Variants in DLGAP1 observed in about 807,000 individuals in gnomAD.
DLGAP1 encodes the protein DLG associated protein 1, also known as disks large-associated protein 1.
Under a neutral mutation model 90.8 loss-of-function variants are expected in DLGAP1, and 11 were observed. That is an observed-to-expected ratio of 0.12 (90% CI 0.08 to 0.20). The LOEUF (loss-of-function observed/expected upper bound fraction) is 0.20, where lower values mean the gene tolerates loss of function less well. Among genes scored for constraint, DLGAP1 ranks in the 10% least tolerant of loss-of-function variants. DLGAP1 has a pLI of 1.00. For synonymous variants in DLGAP1, 558 were observed against 540.7 expected, an observed-to-expected ratio of 1.03 and a Z score of -0.44; for missense variants, 1,050 against 1,333.8, an observed-to-expected ratio of 0.79 and a Z score of 3.31.
chr18:3,746,284 C>A (rs2147753763), intron 5 of DLGAP1, among the ~76,000 whole-genome samples: 1 of 152,100 alleles, frequency 6.6e-6, no homozygotes, highest in East Asian at 1.9e-4. Context: ...TTTATAATCT[C>A]AATTTCTATA....
chr18:3,779,265 C>T (rs1159393666), intron 5 of DLGAP1, among the ~76,000 whole-genome samples: 1 of 152,104 alleles, frequency 6.6e-6, no homozygotes, highest in Non-Finnish European at 1.5e-5. Context: ...GTTTTAGAGA[C>T]AGGGTCTGCC....
chr18:4,149,950 C>T (rs2076646974), intron 2 of DLGAP1, among the ~76,000 whole-genome samples: 1 of 152,204 alleles, frequency 6.6e-6, no homozygotes, highest in Non-Finnish European at 1.5e-5. Context: ...ATTCATGCTC[C>T]TTGGGGAAAT....
At chr18:4,274,954 A>T (rs1181978640) in intron 1 of DLGAP1, among the ~76,000 whole-genome samples, 1 of 152,214 alleles carries the variant, frequency 6.6e-6, no homozygotes, top group Non-Finnish European at 1.5e-5. Flanking sequence ...CTACTAAATA[A>T]TATTTTTGAA....
intron 1 of DLGAP1, among the ~76,000 whole-genome samples, chr18:4,202,330 A>G (rs2077623440): frequency 2.0e-5 from 3 of 152,176 alleles, no homozygotes; most frequent in Non-Finnish European, 4.4e-5. Context: ...ACATAGTGGT[A>G]TAATGGACAC....
chr18:3,615,411 A>G (rs772327473), intron 7 of DLGAP1, among the ~76,000 whole-genome samples: 16 of 152,186 alleles, frequency 1.1e-4, no homozygotes, highest in Non-Finnish European at 2.9e-5. Context: ...GTTAACAAAT[A>G]GGCTTCAGGA....
rs996990644 is a variant in DLGAP1, at chr18:4,081,237, C to T, written c.-159+69943G>A. 4.0e-5 allele frequency among the ~76,000 whole-genome samples: 6 copies of T among 151,050 alleles called. No homozygotes were observed. The East Asian group carries it at 1.2e-3, about 30-fold the overall frequency. Reference sequence around the variant, plus strand: ...AATCTGCCTTGGAGAATTGCTTGAACCCAGGCGGCGGAGGTTGTGGTGAGC... The same window carrying T: ...AATCTGCCTTGGAGAATTGCTTGAATCCAGGCGGCGGAGGTTGTGGTGAGC... On this transcript the variant is annotated intron_variant, in intron 2 of 12. Coordinates refer to ENST00000315677, the MANE Select transcript of DLGAP1 (RefSeq NM_004746.4).
At chr18:3,973,310 GTC>G (rs2073495918) in intron 3 of DLGAP1, among the ~76,000 whole-genome samples, 1 of 92,884 alleles carries the variant, frequency 1.1e-5, no homozygotes, top group African/African-American at 3.9e-5. Flanking sequence ...AAAAAAAAAA[GTC>G]AATACATTTG....
At chr18:4,093,758 T>C (rs1352947246) in intron 2 of DLGAP1, among the ~76,000 whole-genome samples, 1 of 152,174 alleles carries the variant, frequency 6.6e-6, no homozygotes, top group Non-Finnish European at 1.5e-5. Flanking sequence ...GTCTGCTTTT[T>C]ATTATAAAAT....
chr18:3,698,210 A>G (rs1173734122), intron 7 of DLGAP1, among the ~76,000 whole-genome samples: 1 of 152,150 alleles, frequency 6.6e-6, no homozygotes, highest in Non-Finnish European at 1.5e-5. Flanking sequence ...TGTTTGTGTG[A>G]ATTTGATCCT....
intron 3 of DLGAP1, among the ~76,000 whole-genome samples, chr18:3,962,671 C>T (rs866666941): frequency 8.5e-5 from 13 of 152,250 alleles, no homozygotes; most frequent in Middle Eastern, 3.4e-3. Context: ...TTCTTTCCAT[C>T]CCTATGCTTG....
At chr18:4,107,748 C>T (rs945805432) in intron 2 of DLGAP1, among the ~76,000 whole-genome samples, 1 of 152,144 alleles carries the variant, frequency 6.6e-6, no homozygotes, top group African/African-American at 2.4e-5. Flanking sequence ...TATTGAAACT[C>T]GCTTGCTTTT....
chr18:3,824,340 A>G (rs1463561399), intron 4 of DLGAP1, among the ~76,000 whole-genome samples: 1 of 152,198 alleles, frequency 6.6e-6, no homozygotes, highest in East Asian at 1.9e-4. Flanking sequence ...AACATCATTC[A>G]TCAACACTAA....
intron 4 of DLGAP1, chr18:3,874,600 T>C (rs2070945590): frequency 6.6e-7 from 1 of 1,520,592 alleles, no homozygotes; most frequent in South Asian, 1.2e-5. Flanking sequence ...TTTATTTAAC[T>C]ATTAAGCACT....
At chr18:4,409,325 G>C (rs567938198) in intron 1 of DLGAP1, among the ~76,000 whole-genome samples, 5 of 151,956 alleles carry the variant, frequency 3.3e-5, no homozygotes, top group African/African-American at 1.2e-4. Flanking sequence ...TTTCCAAGTA[G>C]ATTAAAATAT....
rs557588669 is a variant in DLGAP1 at position 4,038,117 on chromosome 18, C to T, written c.-158-32916G>A. On this transcript the variant is annotated intron_variant, in intron 2 of 12. Transcript: ENST00000315677. ...AATACAGGCATGATTCTTCATGGCT[C>T]TAAAGAGTGATTTCTTAATCCTAGA... is the stretch of plus-strand genomic sequence containing the variant. 3.9e-5 allele frequency among the ~76,000 whole-genome samples: 6 copies of T among 152,252 alleles called. No individual in the cohort carries two copies. In the East Asian group the frequency reaches 9.6e-4, roughly 24 times the overall value.
chr18:3,741,058 TCACCAC>T (rs1430015496), intron 6 of DLGAP1, among the ~76,000 whole-genome samples: 6 of 25,906 alleles, frequency 2.3e-4, no homozygotes, highest in East Asian at 1.1e-3. Context: ...ACCACCACCA[TCACCAC>T]CACCACCACC....
At chr18:4,161,814 G>T (rs1017114465) in intron 1 of DLGAP1, among the ~76,000 whole-genome samples, 1 of 152,130 alleles carries the variant, frequency 6.6e-6, no homozygotes, top group Admixed American at 6.5e-5. Context: ...TACCTTTAAA[G>T]GTTGATGGAA....
intron 1 of DLGAP1, among the ~76,000 whole-genome samples, chr18:4,370,079 G>T (rs1368367851): frequency 6.6e-6 from 1 of 152,130 alleles, no homozygotes; most frequent in East Asian, 1.9e-4. Context: ...CAAAGACTCA[G>T]GTGTTAGGAC....
chr18:4,404,783 G>A (rs1373030896), intron 1 of DLGAP1, among the ~76,000 whole-genome samples: 1 of 152,194 alleles, frequency 6.6e-6, no homozygotes, highest in Non-Finnish European at 1.5e-5. Context: ...CAAAGTCACA[G>A]AAGACTCTGG....
Sources: gnomAD v4.1 joint callset for allele counts (sites outside exome capture counted in the v4.1 genomes callset) on GRCh38, gnomAD v4.1.1 for gene constraint, MANE v1.5 for transcripts, NCBI Gene and HGNC (gene_info 2026-07-23, HGNC 2026-07-21) for gene names.